Variants in STAG1 observed in about 807,000 individuals in gnomAD.
STAG1 encodes STAG1 cohesin complex component.
In STAG1, 26 loss-of-function variants were observed where a neutral mutation model predicts 170.9. That is an observed-to-expected ratio of 0.15 (90% confidence interval 0.11 to 0.21). STAG1 has a LOEUF of 0.21. Ranked by LOEUF, STAG1 falls within the 10% of genes least tolerant of loss-of-function variation. The pLI is 1.00. For synonymous variants in STAG1, 514 were observed against 497.7 expected (o/e 1.03, Z -0.44); for missense variants, 964 against 1,509.5 (o/e 0.64, Z 5.99).
At chr3:136,497,134 G>A (rs1252204295) in intron 9 of STAG1, among the ~76,000 whole-genome samples, 1 of 151,606 alleles carries the variant, frequency 6.6e-6, no homozygotes, top group African/African-American at 2.4e-5. Context: ...GAAAATTCTA[G>A]GCTCCAATGG....
At chr3:136,549,786 T>C (rs550222807) in intron 5 of STAG1, among the ~76,000 whole-genome samples, 11 of 152,122 alleles carry the variant, frequency 7.2e-5, no homozygotes, top group East Asian at 5.8e-4. Context: ...ATTTTCACCA[T>C]AGAATATGTT....
chr3:136,676,811 A>T (rs1942140877), intron 1 of STAG1, among the ~76,000 whole-genome samples: 2 of 151,766 alleles, frequency 1.3e-5, no homozygotes. Context: ...TATTTCTTAG[A>T]CTTTTTTTAT....
intron 22 of STAG1, among the ~76,000 whole-genome samples, chr3:136,388,024 T>C (rs1362371311): frequency 6.6e-6 from 1 of 152,224 alleles, no homozygotes; most frequent in Non-Finnish European, 1.5e-5. Context: ...AGTATGTTTA[T>C]GTATGCCCAT....
chr3:136,475,683 T>C (rs540878040), intron 10 of STAG1, among the ~76,000 whole-genome samples: 2 of 152,294 alleles, frequency 1.3e-5, no homozygotes, highest in East Asian at 1.9e-4. Flanking sequence ...AGCAGTTTGT[T>C]AGGATTTTCA....
chr3:136,597,807 G>A (rs1164356665), intron 4 of STAG1, among the ~76,000 whole-genome samples: 1 of 142,568 alleles, frequency 7.0e-6, no homozygotes, highest in East Asian at 2.0e-4. Context: ...TTTTTTTAAT[G>A]TATTGGCTAG....
chr3:136,361,081 C>T (rs1222894443), intron 26 of STAG1, among the ~76,000 whole-genome samples: 1 of 152,124 alleles, frequency 6.6e-6, no homozygotes, highest in African/African-American at 2.4e-5. Context: ...CAAAGAATAT[C>T]AAAGTAAAAG....
At chr3:136,673,501 T>A (rs1412768059) in intron 1 of STAG1, among the ~76,000 whole-genome samples, 1 of 152,184 alleles carries the variant, frequency 6.6e-6, no homozygotes, top group East Asian at 1.9e-4. Flanking sequence ...AAAAGTAAAT[T>A]TAGTCATGAG....
At chr3:136,478,699 T>C (rs1374308593) in intron 9 of STAG1, among the ~76,000 whole-genome samples, 1 of 152,180 alleles carries the variant, frequency 6.6e-6, no homozygotes, top group Non-Finnish European at 1.5e-5. Context: ...CTGTCATTGC[T>C]TAAGGATAAA....
intron 20 of STAG1, among the ~76,000 whole-genome samples, chr3:136,418,402 GT>G (rs1416733833): frequency 1.3e-4 from 12 of 89,386 alleles, no homozygotes; most frequent in African/African-American, 6.1e-4. Context: ...AAAAAAAAAG[GT>G]TTTTTTCATT....
At chr3:136,536,561 C>T (rs1243781712) in intron 6 of STAG1, among the ~76,000 whole-genome samples, 1 of 151,752 alleles carries the variant, frequency 6.6e-6, no homozygotes, top group African/African-American at 2.4e-5. Flanking sequence ...ATAAGCCAGG[C>T]GTGGTGGTGT....
intron 21 of STAG1, among the ~76,000 whole-genome samples, chr3:136,407,898 A>C (rs1392843760): frequency 6.8e-6 from 1 of 146,660 alleles, no homozygotes; most frequent in Non-Finnish European, 1.5e-5. Flanking sequence ...TCTGTCTCCA[A>C]AAAAAAAAAA....
intron 1 of STAG1, among the ~76,000 whole-genome samples, chr3:136,665,577 A>C (rs1309926110): frequency 6.6e-6 from 1 of 151,782 alleles, no homozygotes; most frequent in Admixed American, 6.6e-5. Flanking sequence ...CAGGAGATCG[A>C]GACCACCCTA....
chr3:136,525,594 C>T (rs1934970767), intron 6 of STAG1, among the ~76,000 whole-genome samples: 1 of 152,152 alleles, frequency 6.6e-6, no homozygotes, highest in Admixed American at 6.5e-5. Flanking sequence ...TCTCTATCTC[C>T]TTCAGTTCTG....
At chr3:136,504,798 T>C (rs538489648) in intron 7 of STAG1, among the ~76,000 whole-genome samples, 2 of 152,314 alleles carry the variant, frequency 1.3e-5, no homozygotes, top group Admixed American at 6.5e-5. Flanking sequence ...AAAAACTTCA[T>C]AGCTTTTACT....
intron 9 of STAG1, among the ~76,000 whole-genome samples, chr3:136,479,115 T>C (rs1024540292): frequency 6.7e-6 from 1 of 149,266 alleles, no homozygotes; most frequent in African/African-American, 2.5e-5. Context: ...TTAGGGTACA[T>C]GTGCACATTG....
chr3:136,724,070 C>G (rs933768042), intron 1 of STAG1, among the ~76,000 whole-genome samples: 11 of 151,840 alleles, frequency 7.2e-5, no homozygotes, highest in Admixed American at 6.5e-5. Flanking sequence ...TGAGGAGCCC[C>G]TCTGCCCGGC....
intron 9 of STAG1, among the ~76,000 whole-genome samples, chr3:136,489,589 C>T (rs1382710383): frequency 6.6e-6 from 1 of 152,052 alleles, no homozygotes; most frequent in Admixed American, 6.6e-5. Flanking sequence ...CTCTAAATTG[C>T]AGCACCCAGT....
At position 136,572,594 on chromosome 3, in the gene STAG1, A is replaced by T. The variant is rs538107593; in HGVS notation, c.298-3733T>A. Among the ~76,000 whole-genome samples the T allele has an allele frequency of 6.3e-3, 699 of 110,594 alleles. 5 individuals carry two copies. The highest frequency in any genetic ancestry group is 7.9e-3 in the Non-Finnish European group (443 of 55,820). 72.6% of individuals were successfully genotyped at this position (110,594 alleles called of 152,430 possible). A position where few individuals can be genotyped will look rare whatever the true frequency, so the allele number is the denominator to read the frequency against. On this transcript the variant is annotated intron_variant, in intron 4 of 33. Transcript: ENST00000383202. ...ACTGCAGCCTGGGTGACAGAGCAAGACTGTCTCAAAAAAAAAAAAAAAAAA... is the reference window on the plus strand; with the variant it reads ...ACTGCAGCCTGGGTGACAGAGCAAGTCTGTCTCAAAAAAAAAAAAAAAAAA...
At chr3:136,498,280 CACAT>C (rs1169217309) in intron 9 of STAG1, among the ~76,000 whole-genome samples, 11 of 78,176 alleles carry the variant, frequency 1.4e-4, no homozygotes, top group South Asian at 4.3e-4. Context: ...ACACCACACA[CACAT>C]ACACACACAC....
Sources: gnomAD v4.1 joint callset for allele counts (sites outside exome capture counted in the v4.1 genomes callset) on GRCh38, gnomAD v4.1.1 for gene constraint, MANE v1.5 for transcripts, NCBI Gene and HGNC (gene_info 2026-07-23, HGNC 2026-07-21) for gene names.